The following KLHL25 variants were observed in gnomAD, a reference collection of about 807,000 sequenced individuals.
The protein encoded by KLHL25 is kelch-like protein 25.
A neutral mutation model predicts 30.0 loss-of-function variants in KLHL25; 41 were observed. The ratio of observed to expected loss-of-function variants is 1.37; its 90% CI spans 1.07 to 1.78. The LOEUF (loss-of-function observed/expected upper bound fraction) is 1.78. KLHL25 is among the 40% of genes most tolerant of loss of function. The probability of loss-of-function intolerance (pLI) is 0.00; values close to 1 mark genes in which losing one functional copy is unlikely to be tolerated. For missense variants in KLHL25, 971 were observed against 824.5 expected (o/e 1.18, Z -2.18); for synonymous variants, 399 against 355.3 (o/e 1.12, Z -1.38).
intron 1 of KLHL25, among the ~76,000 whole-genome samples, chr15:85,776,593 ATATT>A (rs1372232943): frequency 1.3e-5 from 2 of 152,174 alleles, no homozygotes; most frequent in East Asian, 3.9e-4. Flanking sequence ...TTCAATGTGC[ATATT>A]TATTTAGTTT....
chr15:85,777,228 C>T (rs375232171), intron 1 of KLHL25, among the ~76,000 whole-genome samples: 1 of 152,210 alleles, frequency 6.6e-6, no homozygotes, highest in African/African-American at 2.4e-5. Flanking sequence ...CCCATGAGGT[C>T]CCTGCATCAA....
chr15:85,789,044 T>C lies in KLHL25; in HGVS notation c.-11+5722A>G, dbSNP rs188039346. 2.4e-4 allele frequency among the ~76,000 whole-genome samples: 36 copies of C among 152,374 alleles called. No homozygotes were observed. The highest frequency in any genetic ancestry group is 4.9e-4 in the Non-Finnish European group (33 of 68,034). ...TTTGAATGAGCACAGCTTCTCCTTA[T>C]CTTAATTAGGAAATTAATTCTGCTC... On this transcript the variant is annotated intron_variant, in intron 1 of 2. Transcript: ENST00000337975. This position sits in a 1 kb window ranked among gnomAD's most constrained non-coding sequence, Gnocchi z 4.1.
intron 1 of KLHL25, among the ~76,000 whole-genome samples, chr15:85,783,306 C>G (rs778151386): frequency 6.6e-6 from 1 of 151,698 alleles, no homozygotes; most frequent in Non-Finnish European, 1.5e-5. Flanking sequence ...GTTGGCCAGG[C>G]TGGTCTCGAA....
At position 85,768,626 on chromosome 15, in the gene KLHL25, T is replaced by TC. The variant is rs778633792; in HGVS notation, c.1184dup (p.His396ThrfsTer71). ...GGAAGACCCCTGCCAGGGATGTGTGTCCCCCCACCACATAGAGGCAGTTCT... is the reference window on the plus strand; with the variant it reads ...GGAAGACCCCTGCCAGGGATGTGTGTCCCCCCCACCACATAGAGGCAGTTCT... On this transcript the variant is annotated frameshift_variant, in exon 2 of 3. Coordinates refer to ENST00000337975, the MANE Select transcript of KLHL25 (RefSeq NM_022480.4). LOFTEE classifies it high-confidence loss of function. The TC allele has an allele frequency of 1.4e-5, 23 of 1,611,956 alleles. No individual in the cohort carries two copies. The highest frequency in any genetic ancestry group is 1.8e-5 in the Non-Finnish European group (21 of 1,178,824).
At chr15:85,773,798 T>C (rs2089692795) in intron 1 of KLHL25, among the ~76,000 whole-genome samples, 2 of 152,134 alleles carry the variant, frequency 1.3e-5, no homozygotes, top group Non-Finnish European at 2.9e-5. Context: ...CTACCCAAGA[T>C]GGAAGCCTGC....
At position 85,768,919 on chromosome 15, in the gene KLHL25, G is replaced by C. The variant is rs756838677; in HGVS notation, c.892C>G (p.Leu298Val). 1.9e-6 allele frequency: 3 copies of C among 1,613,364 alleles called. 1 individual carries two copies. The highest frequency in any genetic ancestry group is 2.2e-5 in the South Asian group (2 of 91,088). Reference sequence around the variant, plus strand: ...ATGAAGGTCTGGCCCCCCAGGATGAGTAGCGTGTGGCCCGCCTTGCGTGGC... The same window carrying C: ...ATGAAGGTCTGGCCCCCCAGGATGACTAGCGTGTGGCCCGCCTTGCGTGGC... ...ARPRKAGHTL[L>V]ILGGQTFMCD... is the part of the protein sequence containing the mutation. Residue 298 changes from leucine (L) to valine (V), a missense_variant, in exon 2 of 3, where the codon CTC becomes GTC. By Grantham distance (32) the Leu-to-Val change is conservative. Coordinates refer to ENST00000337975, the MANE Select transcript of KLHL25 (RefSeq NM_022480.4).
intron 1 of KLHL25, among the ~76,000 whole-genome samples, chr15:85,788,999 G>A (rs1325987011): frequency 6.6e-6 from 1 of 152,188 alleles, no homozygotes; most frequent in African/African-American, 2.4e-5. Flanking sequence ...AGCAAACCTG[G>A]CTGGCAGCTT....
chr15:85,778,966 A>G (rs1597278397), intron 1 of KLHL25, among the ~76,000 whole-genome samples: 1 of 151,770 alleles, frequency 6.6e-6, no homozygotes, highest in Non-Finnish European at 1.5e-5. Flanking sequence ...GAGAAAGTTC[A>G]CCTTAGAGAA....
chr15:85,778,459 C>G (rs1341584958), intron 1 of KLHL25, among the ~76,000 whole-genome samples: 2 of 152,256 alleles, frequency 1.3e-5, no homozygotes, highest in Non-Finnish European at 2.9e-5. Flanking sequence ...TGGGCACCGT[C>G]TCAGCACTTC....
chr15:85,790,387 C>A (rs2089808736), intron 1 of KLHL25, among the ~76,000 whole-genome samples: 1 of 152,194 alleles, frequency 6.6e-6, no homozygotes, highest in Admixed American at 6.5e-5. Flanking sequence ...CTCGCCCGGT[C>A]CATTCCTGAC....
intron 1 of KLHL25, among the ~76,000 whole-genome samples, chr15:85,793,287 C>G (rs2089829299): frequency 6.6e-6 from 1 of 152,158 alleles, no homozygotes; most frequent in Non-Finnish European, 1.5e-5. Flanking sequence ...GCCCAAGACC[C>G]CAGGATGAAG....
intron 1 of KLHL25, chr15:85,770,985 G>T: frequency 4.7e-6 from 1 of 211,018 alleles, no homozygotes; most frequent in South Asian, 6.8e-5. Flanking sequence ...CATATACCTA[G>T]AGAAAACATG....
At chr15:85,786,954 C>G (rs575632643) in intron 1 of KLHL25, among the ~76,000 whole-genome samples, 1 of 152,302 alleles carries the variant, frequency 6.6e-6, no homozygotes, top group East Asian at 1.9e-4. Context: ...CTTCATTTCA[C>G]AGATGAGTAC....
chr15:85,772,475 G>A (rs1174476305), intron 1 of KLHL25, among the ~76,000 whole-genome samples: 2 of 152,224 alleles, frequency 1.3e-5, no homozygotes, highest in Non-Finnish European at 2.9e-5. Context: ...CTCCAAGTGT[G>A]GGGTGAGCCC....
At chr15:85,783,629 T>C (rs962998466) in intron 1 of KLHL25, among the ~76,000 whole-genome samples, 11 of 151,120 alleles carry the variant, frequency 7.3e-5, no homozygotes, top group East Asian at 2.0e-4. Flanking sequence ...GAGGTGCAGC[T>C]TGCAGTGAGC....
chr15:85,783,363 G>A (rs2089757703), intron 1 of KLHL25, among the ~76,000 whole-genome samples: 1 of 151,714 alleles, frequency 6.6e-6, no homozygotes, highest in African/African-American at 2.4e-5. Context: ...CAAAGTGCTG[G>A]GATTACAGGC....
chr15:85,769,859 C>CCTGCCCAT, intron 1 of KLHL25, 39 bp from the exon 2 acceptor site: 1 of 1,518,004 alleles, frequency 6.6e-7, no homozygotes, highest in Non-Finnish European at 8.9e-7. Flanking sequence ...AGGAGCCCCT[C>CCTGCCCAT]CTGCCCATCT....
intron 1 of KLHL25, among the ~76,000 whole-genome samples, chr15:85,773,076 G>GC (rs1370203693): frequency 6.6e-6 from 1 of 152,240 alleles, no homozygotes; most frequent in Non-Finnish European, 1.5e-5. Context: ...CACTTTACAG[G>GC]CAAGGATGCT....
intron 1 of KLHL25, chr15:85,770,868 A>G (rs1366752812): frequency 9.2e-6 from 3 of 326,800 alleles, no homozygotes; most frequent in African/African-American, 4.4e-5. Flanking sequence ...TACTTGCTCA[A>G]TCTAGGGGAA....
Sources: allele counts gnomAD v4.1 joint callset (sites outside exome capture counted in the v4.1 genomes callset), GRCh38; gene constraint gnomAD v4.1.1; non-coding constraint Gnocchi (gnomAD v3.1); transcripts MANE v1.5; gene names NCBI Gene and HGNC (gene_info 2026-07-23, HGNC 2026-07-21).